LRRC4C: variants seen among roughly 807,000 people sequenced by gnomAD.
LRRC4C encodes leucine rich repeat containing 4C.
Under a neutral mutation model 33.6 loss-of-function variants are expected in LRRC4C, and 5 were observed. That is an observed-to-expected ratio of 0.15 (90% confidence interval 0.08 to 0.31). The LOEUF is 0.31. Ranked by LOEUF, LRRC4C falls within the 10% of genes least tolerant of loss-of-function variation. The pLI, the probability that LRRC4C is intolerant of heterozygous loss-of-function variation, is 1.00. For synonymous variants in LRRC4C, 329 were observed against 302.0 expected (o/e 1.09, Z -0.93); for missense variants, 560 against 796.7 (o/e 0.70, Z 3.58).
At chr11:40,476,577 C>T (rs1953246489) in intron 3 of LRRC4C, among the ~76,000 whole-genome samples, 2 of 152,008 alleles carry the variant, frequency 1.3e-5, no homozygotes, top group South Asian at 2.1e-4. Flanking sequence ...AACTCCTGAC[C>T]TCGTGATCCA....
At chr11:41,368,474 AC>A (rs1205194513) in intron 1 of LRRC4C, among the ~76,000 whole-genome samples, 1 of 152,224 alleles carries the variant, frequency 6.6e-6, no homozygotes, top group African/African-American at 2.4e-5. Context: ...AAGCAAAATA[AC>A]TGAGTCCTTA....
At chr11:40,784,544 A>G (rs1188117473) in intron 2 of LRRC4C, among the ~76,000 whole-genome samples, 1 of 152,208 alleles carries the variant, frequency 6.6e-6, no homozygotes. Flanking sequence ...CACAACTTAA[A>G]GTAATTTTTT....
chr11:41,235,435 A>G (rs1428592834), intron 1 of LRRC4C, among the ~76,000 whole-genome samples: 3 of 151,940 alleles, frequency 2.0e-5, no homozygotes, highest in Non-Finnish European at 2.9e-5. Flanking sequence ...TTTTGTTTTT[A>G]CCTCTGTTGT....
intron 3 of LRRC4C, among the ~76,000 whole-genome samples, chr11:40,425,718 T>C (rs937051284): frequency 3.9e-5 from 6 of 152,222 alleles, no homozygotes; most frequent in African/African-American, 1.4e-4. Context: ...GTGACACTAA[T>C]TGTCTTGTCT....
intron 3 of LRRC4C, among the ~76,000 whole-genome samples, chr11:40,537,854 A>G (rs187586242): frequency 1.6e-3 from 247 of 152,268 alleles, no homozygotes; most frequent in African/African-American, 5.6e-3. Context: ...TTGTGTATAG[A>G]TTGGAAAGCT....
intron 2 of LRRC4C, among the ~76,000 whole-genome samples, chr11:40,665,387 T>TAC (rs1943750356): frequency 9.0e-6 from 1 of 111,694 alleles, no homozygotes; most frequent in Admixed American, 9.9e-5. Context: ...TATATATATA[T>TAC]TATTAGGGGT....
intron 2 of LRRC4C, among the ~76,000 whole-genome samples, chr11:40,778,175 T>C (rs1470499210): frequency 6.6e-6 from 1 of 152,222 alleles, no homozygotes; most frequent in African/African-American, 2.4e-5. Context: ...ACTCAAATTT[T>C]TTGTGGTGAC....
At chr11:40,128,668 T>C (rs1165886459) in intron 6 of LRRC4C, among the ~76,000 whole-genome samples, 1 of 152,156 alleles carries the variant, frequency 6.6e-6, no homozygotes. Flanking sequence ...TTCTCAACTT[T>C]TTCTTACTCC....
intron 3 of LRRC4C, among the ~76,000 whole-genome samples, chr11:40,379,371 C>A (rs1948778014): frequency 6.6e-6 from 1 of 152,108 alleles, no homozygotes; most frequent in South Asian, 2.1e-4. Flanking sequence ...CCAATTATTT[C>A]TATAAAAAGC....
At chr11:41,448,044 T>C (rs1955880309) in intron 1 of LRRC4C, among the ~76,000 whole-genome samples, 1 of 151,354 alleles carries the variant, frequency 6.6e-6, no homozygotes, top group Admixed American at 6.6e-5. Context: ...TTGTAATGGG[T>C]CTCCAACTCA....
At chr11:41,253,634 C>T (rs1301622576) in intron 1 of LRRC4C, among the ~76,000 whole-genome samples, 1 of 152,050 alleles carries the variant, frequency 6.6e-6, no homozygotes, top group Admixed American at 6.6e-5. Context: ...TTGTCACATC[C>T]CTGGCCTAAT....
chr11:40,752,476 A>G (rs1948740405), intron 2 of LRRC4C, among the ~76,000 whole-genome samples: 1 of 152,054 alleles, frequency 6.6e-6, no homozygotes, highest in South Asian at 2.1e-4. Flanking sequence ...AGACACACAA[A>G]TGACCAACAG....
At chr11:40,612,391 A>AG (rs1157019300) in intron 3 of LRRC4C, among the ~76,000 whole-genome samples, 1 of 151,886 alleles carries the variant, frequency 6.6e-6, no homozygotes, top group African/African-American at 2.4e-5. Context: ...GGGGATAAAG[A>AG]GGTAATGAGG....
intron 2 of LRRC4C, among the ~76,000 whole-genome samples, chr11:40,853,317 ATG>A (rs1318591062): frequency 6.6e-6 from 1 of 151,202 alleles, no homozygotes; most frequent in Admixed American, 6.6e-5. Context: ...ATATACATAT[ATG>A]TGTGTCTATA....
At chr11:40,811,617 C>G (rs1383236921) in intron 2 of LRRC4C, among the ~76,000 whole-genome samples, 6 of 152,084 alleles carry the variant, frequency 3.9e-5, no homozygotes, top group Non-Finnish European at 7.4e-5. Context: ...CCTGCCTCAG[C>G]CTTCTGAGTA....
intron 4 of LRRC4C, among the ~76,000 whole-genome samples, chr11:40,291,322 G>A (rs528058942): frequency 5.9e-5 from 9 of 152,210 alleles, no homozygotes; most frequent in Non-Finnish European, 1.3e-4. Context: ...GACAAAGCTG[G>A]CACATGAGAA....
At chr11:40,654,314 C>T (rs546989622) in intron 2 of LRRC4C, among the ~76,000 whole-genome samples, 16 of 152,258 alleles carry the variant, frequency 1.1e-4, no homozygotes, top group Admixed American at 5.9e-4. Context: ...TCAATCCTAG[C>T]CCATGAAAGA....
chr11:40,395,044 A>G (rs1003207423), intron 3 of LRRC4C, among the ~76,000 whole-genome samples: 1 of 152,154 alleles, frequency 6.6e-6, no homozygotes, highest in Non-Finnish European at 1.5e-5. Flanking sequence ...CTATAATTAT[A>G]TAGACTTTGA....
At chr11:40,484,515 G>A (rs1055374068) in intron 3 of LRRC4C, among the ~76,000 whole-genome samples, 5 of 151,962 alleles carry the variant, frequency 3.3e-5, no homozygotes, top group African/African-American at 1.2e-4. Flanking sequence ...GATACGTTAG[G>A]TAGGAAAAAT....
Sources: gnomAD v4.1 joint callset for allele counts (sites outside exome capture counted in the v4.1 genomes callset) on GRCh38, gnomAD v4.1.1 for gene constraint, MANE v1.5 for transcripts, NCBI Gene and HGNC (gene_info 2026-07-23, HGNC 2026-07-21) for gene names.